Variants in KCNH5 observed in about 807,000 individuals in gnomAD.
KCNH5 encodes potassium voltage-gated channel subfamily H member 5.
KCNH5 carries 46 observed loss-of-function variants against 96.1 expected under a neutral mutation model. The observed-to-expected ratio is 0.48, with a 90% CI of 0.38 to 0.61. The LOEUF (loss-of-function observed/expected upper bound fraction) is 0.61, where lower values mean the gene tolerates loss of function less well. Among genes scored for constraint, KCNH5 ranks in the 20% least tolerant of loss-of-function variants. The probability of loss-of-function intolerance (pLI) is 0.00; values close to 1 mark genes in which losing one functional copy is unlikely to be tolerated. For synonymous variants in KCNH5, 439 were observed against 449.8 expected (o/e 0.98, Z 0.30); for missense variants, 907 against 1,225.8 (o/e 0.74, Z 3.88).
chr14:62,900,978 A>T (rs1489328008), intron 7 of KCNH5, among the ~76,000 whole-genome samples: 1 of 151,918 alleles, frequency 6.6e-6, no homozygotes, highest in Non-Finnish European at 1.5e-5. Context: ...AATGCTTCCT[A>T]TCTTTTTGTT....
chr14:63,042,759 T>C (rs1375679853), intron 1 of KCNH5, among the ~76,000 whole-genome samples: 1 of 152,150 alleles, frequency 6.6e-6, no homozygotes, highest in African/African-American at 2.4e-5. Context: ...TGCGGGATAT[T>C]CCCCCGTGAA....
At chr14:62,832,045 A>G (rs1887362688) in intron 8 of KCNH5, among the ~76,000 whole-genome samples, 1 of 152,182 alleles carries the variant, frequency 6.6e-6, no homozygotes, top group Admixed American at 6.5e-5. Flanking sequence ...ACATTTATCG[A>G]TATTTCTTTA....
chr14:62,740,736 T>C (rs1885255200), intron 10 of KCNH5, among the ~76,000 whole-genome samples: 1 of 152,158 alleles, frequency 6.6e-6, no homozygotes, highest in South Asian at 2.1e-4. Context: ...GAACTCTGCA[T>C]TGCACAGCTG....
chr14:63,004,793 G>T (rs1246832455), intron 3 of KCNH5, among the ~76,000 whole-genome samples: 1 of 152,122 alleles, frequency 6.6e-6, no homozygotes, highest in Non-Finnish European at 1.5e-5. Flanking sequence ...TAGAGGCAGG[G>T]TCTTGCTATG....
intron 10 of KCNH5, among the ~76,000 whole-genome samples, chr14:62,742,452 G>T (rs1885290241): frequency 9.4e-6 from 1 of 106,056 alleles, no homozygotes; most frequent in Admixed American, 9.0e-5. Flanking sequence ...TAGAACAGAG[G>T]TTTTCAATCC....
At chr14:62,945,733 G>A (rs938110567) in intron 7 of KCNH5, among the ~76,000 whole-genome samples, 1 of 152,064 alleles carries the variant, frequency 6.6e-6, no homozygotes, top group Non-Finnish European at 1.5e-5. Context: ...ACCGTGGAGA[G>A]CCACATGAAT....
intron 7 of KCNH5, among the ~76,000 whole-genome samples, chr14:62,858,816 C>G (rs1887979130): frequency 6.6e-6 from 1 of 152,110 alleles, no homozygotes; most frequent in South Asian, 2.1e-4. Flanking sequence ...ACATGGCCTT[C>G]TGGAGAACTC....
At chr14:62,790,372 T>A (rs1175540763) in intron 9 of KCNH5, among the ~76,000 whole-genome samples, 1 of 151,872 alleles carries the variant, frequency 6.6e-6, no homozygotes, top group Non-Finnish European at 1.5e-5. Flanking sequence ...TATTGCTTTT[T>A]GTCTATTTGG....
chr14:62,794,215 CTG>C, intron 9 of KCNH5, among the ~76,000 whole-genome samples: 1 of 151,902 alleles, frequency 6.6e-6, no homozygotes, highest in East Asian at 1.9e-4. Context: ...GTAACGTATA[CTG>C]TTATGGTGCC....
At chr14:62,942,427 G>C (rs1889806755) in intron 7 of KCNH5, among the ~76,000 whole-genome samples, 1 of 152,064 alleles carries the variant, frequency 6.6e-6, no homozygotes, top group Admixed American at 6.6e-5. Flanking sequence ...TTTTCCGGTG[G>C]GGAGAAGTCA....
chr14:62,953,757 A>G (rs1269640039), intron 6 of KCNH5, among the ~76,000 whole-genome samples: 1 of 152,074 alleles, frequency 6.6e-6, no homozygotes, highest in Non-Finnish European at 1.5e-5. Context: ...ATTCCCATAG[A>G]CATGTTTGGT....
chr14:63,001,400 C>T lies in KCNH5; in HGVS notation c.364G>A (p.Val122Ile). ...TCCTTGAAAGTACACAGGAACAAGA[C>T]CACCTTTTCATGTTCATTTCTTATT... ...APIRNEHEKV[V>I]LFLCTFKDIT... The change falls in exon 4 of 11, where the codon GTC becomes ATC. Residue 122 changes from valine to isoleucine, a missense_variant. Val to Ile is a conservative substitution (Grantham distance 29). Around this residue, in one of 6 missense-constraint regions of KCNH5, gnomAD observed 370 missense variants for 561.3 expected, o/e 0.66. Coordinates refer to ENST00000322893, the MANE Select transcript of KCNH5 (RefSeq NM_139318.5). 6.2e-7 allele frequency: 1 copy of T among 1,612,220 alleles called. No individual in the cohort carries two copies. Among genetic ancestry groups the T allele is most frequent in the Non-Finnish European group, 8.5e-7 (1 of 1,178,848 alleles).
intron 7 of KCNH5, among the ~76,000 whole-genome samples, chr14:62,941,078 T>C (rs975598775): frequency 9.9e-5 from 15 of 152,174 alleles, no homozygotes; most frequent in Non-Finnish European, 1.9e-4. Flanking sequence ...TAAAAGGTTA[T>C]TGAGGGCTCA....
intron 3 of KCNH5, among the ~76,000 whole-genome samples, chr14:63,003,525 TTA>T (rs1215247887): frequency 8.6e-6 from 1 of 115,636 alleles, no homozygotes; most frequent in Non-Finnish European, 1.7e-5. Flanking sequence ...TTTATATATT[TTA>T]TATATATTAT....
chr14:62,986,255 T>C (rs1452205606), intron 5 of KCNH5, among the ~76,000 whole-genome samples: 1 of 152,190 alleles, frequency 6.6e-6, no homozygotes, highest in Non-Finnish European at 1.5e-5. Context: ...TAGAATAAAG[T>C]TTTTGAATTA....
chr14:62,800,935 GA>G (rs796297890), intron 9 of KCNH5, among the ~76,000 whole-genome samples: 25 of 140,326 alleles, frequency 1.8e-4, no homozygotes, highest in South Asian at 4.5e-4. Flanking sequence ...TTTTCTTCTT[GA>G]AAAAAAAAAA....
intron 7 of KCNH5, among the ~76,000 whole-genome samples, chr14:62,855,961 T>C (rs1031060546): frequency 6.6e-6 from 1 of 152,152 alleles, no homozygotes; most frequent in Admixed American, 6.5e-5. Flanking sequence ...CCTCCAGTAG[T>C]ATCCACTCCT....
At chr14:62,964,780 A>G (rs1594649102) in intron 6 of KCNH5, among the ~76,000 whole-genome samples, 1 of 152,006 alleles carries the variant, frequency 6.6e-6, no homozygotes. Flanking sequence ...TCTATTTCCT[A>G]ATGTCTGTAG....
chr14:62,895,375 G>A (rs1348529529), intron 7 of KCNH5, among the ~76,000 whole-genome samples: 1 of 151,420 alleles, frequency 6.6e-6, no homozygotes, highest in Non-Finnish European at 1.5e-5. Context: ...TTGTTGCCCA[G>A]GCTGGAGTGC....
Sources: allele counts gnomAD v4.1 joint callset (sites outside exome capture counted in the v4.1 genomes callset), GRCh38; gene constraint gnomAD v4.1.1; regional missense constraint gnomAD v4.1.1; transcripts MANE v1.5; gene names NCBI Gene and HGNC (gene_info 2026-07-23, HGNC 2026-07-21).